Variants in TTC28 observed in about 807,000 individuals in gnomAD.
TTC28 encodes tetratricopeptide repeat protein 28.
A neutral mutation model predicts 198.0 loss-of-function variants in TTC28; 61 were observed. The observed-to-expected ratio is 0.31, with a 90% CI of 0.25 to 0.38. The LOEUF (loss-of-function observed/expected upper bound fraction) is 0.38, where lower values mean the gene tolerates loss of function less well. Ranked by LOEUF, TTC28 falls within the 10% of genes least tolerant of loss-of-function variation. The pLI is 1.00. For missense variants in TTC28, 2,678 were observed against 3,164.0 expected, an observed-to-expected ratio of 0.85 and a Z score of 3.69; for synonymous variants, 1,171 against 1,297.8, an observed-to-expected ratio of 0.90 and a Z score of 2.10.
intron 6 of TTC28, among the ~76,000 whole-genome samples, chr22:28,159,253 T>C (rs9625421): frequency 0.071 from 10,853 of 152,180 alleles, 444 homozygotes; most frequent in South Asian, 0.092. Context: ...CAATAACAAA[T>C]GCTGGCAAGG....
At chr22:28,087,152 C>T (rs914207578) in intron 12 of TTC28, among the ~76,000 whole-genome samples, 5 of 152,150 alleles carry the variant, frequency 3.3e-5, no homozygotes, top group African/African-American at 1.2e-4. Context: ...TCCTCCCTAA[C>T]TCATTTTATG....
intron 2 of TTC28, among the ~76,000 whole-genome samples, chr22:28,368,313 G>A (rs1253277811): frequency 2.0e-5 from 3 of 152,016 alleles, no homozygotes; most frequent in Non-Finnish European, 4.4e-5. Flanking sequence ...CATTTCAATT[G>A]ATGCTGGAAA....
chr22:28,334,162 C>T (rs2145882459), intron 2 of TTC28, among the ~76,000 whole-genome samples: 1 of 152,058 alleles, frequency 6.6e-6, no homozygotes, highest in African/African-American at 2.4e-5. Context: ...TCATCCATGT[C>T]CCTACAAAGG....
intron 2 of TTC28, among the ~76,000 whole-genome samples, chr22:28,463,425 A>G (rs759809348): frequency 3.3e-5 from 5 of 152,214 alleles, no homozygotes; most frequent in Non-Finnish European, 5.9e-5. Context: ...ATATACCCAA[A>G]GGATTATAAA....
chr22:28,069,271 C>G (rs781504131), intron 12 of TTC28, among the ~76,000 whole-genome samples: 24 of 152,278 alleles, frequency 1.6e-4, no homozygotes, highest in Middle Eastern at 3.4e-3. Context: ...TTTAATTAAA[C>G]ATGAATCCTT....
chr22:28,099,529 G>A (rs1314863424), intron 9 of TTC28, among the ~76,000 whole-genome samples: 1 of 152,054 alleles, frequency 6.6e-6, no homozygotes, highest in East Asian at 1.9e-4. Flanking sequence ...GACTTCCCTC[G>A]GACCTCAGTT....
intron 14 of TTC28, chr22:28,002,264 T>C (rs1360796441): frequency 6.6e-6 from 1 of 152,464 alleles, no homozygotes; most frequent in African/African-American, 2.4e-5. Flanking sequence ...CAGGCAACAA[T>C]CCTGGAAGCT....
At chr22:28,591,052 T>C (rs1159441003) in intron 2 of TTC28, among the ~76,000 whole-genome samples, 83 of 83,134 alleles carry the variant, frequency 1.0e-3, no homozygotes, top group Non-Finnish European at 1.5e-3. Context: ...TATATATATA[T>C]ATATATATAT....
intron 2 of TTC28, among the ~76,000 whole-genome samples, chr22:28,624,757 G>A (rs575915829): frequency 7.2e-5 from 11 of 151,770 alleles, no homozygotes; most frequent in African/African-American, 1.4e-4. Flanking sequence ...GAATCACTTC[G>A]ATACCAAAAC....
In TTC28 at chr22:28,249,021, C is replaced by T. The variant is rs558967679; in HGVS notation, c.933+47177G>A. On this transcript the variant is annotated intron_variant, in intron 5 of 22. Transcript: ENST00000397906. ...TAATTCCTTAATCCTCCAAATCCCT[C>T]GATTTGTACTGTATTATATAATTCT... Among the ~76,000 whole-genome samples the T allele has an allele frequency of 9.8e-4, 149 of 152,188 alleles. 1 individual carries two copies. Among genetic ancestry groups the T allele is most frequent in the Non-Finnish European group, 1.6e-3 (109 of 68,010 alleles).
intron 22 of TTC28, 92 bp from the exon 23 acceptor site, chr22:27,983,943 G>C (rs2146497161): frequency 7.7e-7 from 1 of 1,301,806 alleles, no homozygotes; most frequent in Non-Finnish European, 1.0e-6. Flanking sequence ...TATATGCATA[G>C]AAGCTAGCAA....
At chr22:28,149,212 G>C (rs1308218532) in intron 6 of TTC28, among the ~76,000 whole-genome samples, 2 of 152,208 alleles carry the variant, frequency 1.3e-5, no homozygotes, top group Non-Finnish European at 2.9e-5. Context: ...AGATGTTTTA[G>C]CTGGAAGTCA....
At chr22:28,658,622 C>T (rs551125631) in intron 1 of TTC28, among the ~76,000 whole-genome samples, 1 of 152,262 alleles carries the variant, frequency 6.6e-6, no homozygotes, top group East Asian at 1.9e-4. Flanking sequence ...GATAGTTGCA[C>T]AACATCATGA....
intron 5 of TTC28, among the ~76,000 whole-genome samples, chr22:28,170,631 A>G (rs1310096337): frequency 1.3e-5 from 2 of 152,192 alleles, no homozygotes; most frequent in African/African-American, 4.8e-5. Context: ...CGGTAAATGG[A>G]TATCTTAATG....
intron 2 of TTC28, among the ~76,000 whole-genome samples, chr22:28,434,075 A>C (rs964018991): frequency 6.6e-6 from 1 of 152,224 alleles, no homozygotes; most frequent in South Asian, 2.1e-4. Context: ...TCTTAGTTTA[A>C]TAAGTAGATA....
At chr22:28,324,516 G>A (rs1031944975) in intron 2 of TTC28, among the ~76,000 whole-genome samples, 2 of 151,962 alleles carry the variant, frequency 1.3e-5, no homozygotes, top group Non-Finnish European at 2.9e-5. Flanking sequence ...ACCAAATTCA[G>A]CAGCACATCA....
chr22:28,587,393 T>C (rs2050337623), intron 2 of TTC28, among the ~76,000 whole-genome samples: 1 of 152,196 alleles, frequency 6.6e-6, no homozygotes, highest in East Asian at 1.9e-4. Context: ...AATTTTATAA[T>C]TAATAATGCT....
chr22:28,129,739 T>C (rs1412644790), intron 6 of TTC28, among the ~76,000 whole-genome samples: 1 of 152,220 alleles, frequency 6.6e-6, no homozygotes. Context: ...TTGATGTCAC[T>C]TTTTCCTATG....
chr22:28,028,823 A>T (rs1938950723), intron 13 of TTC28: 2 of 358,208 alleles, frequency 5.6e-6, no homozygotes, highest in South Asian at 4.2e-5. Context: ...TGTTATTTAT[A>T]CATTGGCTCC....
Sources: allele counts gnomAD v4.1 joint callset (sites outside exome capture counted in the v4.1 genomes callset), GRCh38; gene constraint gnomAD v4.1.1; transcripts MANE v1.5; gene names NCBI Gene and HGNC (gene_info 2026-07-23, HGNC 2026-07-21).